Variants in NXPH2 observed in about 807,000 individuals in gnomAD.
NXPH2 encodes the protein neurexophilin 2.
A neutral mutation model predicts 19.8 loss-of-function variants in NXPH2; 5 were observed. The ratio of observed to expected loss-of-function variants is 0.25; its 90% CI spans 0.13 to 0.53. NXPH2 has a LOEUF of 0.53. Among genes scored for constraint, NXPH2 ranks in the 20% least tolerant of loss-of-function variants. The pLI is 0.96. For synonymous variants in NXPH2, 154 were observed against 127.4 expected (o/e 1.21, Z -1.41); for missense variants, 289 against 322.8 (o/e 0.90, Z 0.80).
At chr2:138,748,573 C>A (rs1573976656) in intron 1 of NXPH2, among the ~76,000 whole-genome samples, 1 of 152,138 alleles carries the variant, frequency 6.6e-6, no homozygotes. Context: ...ATGCCTGCAT[C>A]TGAAATTCTC....
At chr2:138,730,665 C>T (rs552629195) in intron 1 of NXPH2, among the ~76,000 whole-genome samples, 8 of 152,162 alleles carry the variant, frequency 5.3e-5, no homozygotes, top group African/African-American at 1.9e-4. Flanking sequence ...AAGAGTCAGA[C>T]ATGATCAAAG....
chr2:138,702,250 G>A (rs912645842), intron 1 of NXPH2, among the ~76,000 whole-genome samples: 1 of 152,110 alleles, frequency 6.6e-6, no homozygotes, highest in Non-Finnish European at 1.5e-5. Context: ...CTGAGGAGCT[G>A]GATCTACAGG....
intron 1 of NXPH2, among the ~76,000 whole-genome samples, chr2:138,740,934 G>A (rs13426332): frequency 0.12 from 17,499 of 150,504 alleles, 1,161 homozygotes; most frequent in African/African-American, 0.13. Context: ...CAGTAGAGAT[G>A]TGTGTGGGGG....
At chr2:138,758,240 G>T (rs1412456215) in intron 1 of NXPH2, among the ~76,000 whole-genome samples, 1 of 151,956 alleles carries the variant, frequency 6.6e-6, no homozygotes, top group Non-Finnish European at 1.5e-5. Context: ...ATTTCCTAGG[G>T]TCTATCTATA....
chr2:138,688,843 C>T (rs1558914150), intron 1 of NXPH2, among the ~76,000 whole-genome samples: 1 of 152,166 alleles, frequency 6.6e-6, no homozygotes, highest in Non-Finnish European at 1.5e-5. Flanking sequence ...CAACCCCCGG[C>T]CGAAACTGCC....
chr2:138,730,096 T>A (rs1292678160), intron 1 of NXPH2, among the ~76,000 whole-genome samples: 1 of 152,188 alleles, frequency 6.6e-6, no homozygotes, highest in African/African-American at 2.4e-5. Flanking sequence ...ATTGTCTGTG[T>A]CATAATTGCT....
chr2:138,744,002 CAAAAAAAAA>C (rs35072611), intron 1 of NXPH2, among the ~76,000 whole-genome samples: 7 of 85,766 alleles, frequency 8.2e-5, no homozygotes, highest in African/African-American at 2.9e-4. Flanking sequence ...GACTCCATCT[CAAAAAAAAA>C]AAAAAAAAAA....
chr2:138,745,984 A>T (rs557533236), intron 1 of NXPH2, among the ~76,000 whole-genome samples: 2 of 152,334 alleles, frequency 1.3e-5, no homozygotes, highest in South Asian at 4.1e-4. Context: ...CAAAATAGCC[A>T]TCCACAGATT....
intron 1 of NXPH2, among the ~76,000 whole-genome samples, chr2:138,675,493 T>C (rs1680472963): frequency 6.6e-6 from 1 of 152,112 alleles, no homozygotes; most frequent in Non-Finnish European, 1.5e-5. Context: ...ATTGTGATGG[T>C]TCTGAGATTA....
chr2:138,732,500 G>A (rs1425087387), intron 1 of NXPH2, among the ~76,000 whole-genome samples: 1 of 152,168 alleles, frequency 6.6e-6, no homozygotes, highest in Non-Finnish European at 1.5e-5. Context: ...TGTCAGCCTT[G>A]GGCTGTGCAC....
At chr2:138,720,008 C>A (rs562795865) in intron 1 of NXPH2, among the ~76,000 whole-genome samples, 17 of 152,130 alleles carry the variant, frequency 1.1e-4, no homozygotes, top group African/African-American at 4.1e-4. Flanking sequence ...CTTTTTCCCT[C>A]ATACATTCTT....
At chr2:138,761,690 C>T (rs904360614) in intron 1 of NXPH2, among the ~76,000 whole-genome samples, 1 of 152,208 alleles carries the variant, frequency 6.6e-6, no homozygotes, top group African/African-American at 2.4e-5. Context: ...CTCCCACCCC[C>T]AAAGTTCACT....
chr2:138,699,687 C>T (rs1485703733), intron 1 of NXPH2, among the ~76,000 whole-genome samples: 1 of 152,094 alleles, frequency 6.6e-6, no homozygotes, highest in Non-Finnish European at 1.5e-5. Context: ...AATGCTAGCA[C>T]AAGGGACACA....
chr2:138,757,465 C>T (rs1200801875), intron 1 of NXPH2, among the ~76,000 whole-genome samples: 2 of 152,078 alleles, frequency 1.3e-5, no homozygotes, highest in East Asian at 3.9e-4. Flanking sequence ...GAAGAAGGGC[C>T]CTAGCTTCAG....
intron 1 of NXPH2, among the ~76,000 whole-genome samples, chr2:138,687,657 G>T (rs1364094665): frequency 1.3e-5 from 2 of 152,090 alleles, no homozygotes; most frequent in Non-Finnish European, 2.9e-5. Context: ...TTCTTATAGG[G>T]TTTTATGGCT....
At chr2:138,772,269 G>A (rs564574337) in intron 1 of NXPH2, among the ~76,000 whole-genome samples, 1 of 151,954 alleles carries the variant, frequency 6.6e-6, no homozygotes, top group South Asian at 2.1e-4. Flanking sequence ...TGAGACCCTT[G>A]GCAACTGGCC....
intron 1 of NXPH2, among the ~76,000 whole-genome samples, chr2:138,777,986 A>C (rs1242194122): frequency 6.6e-6 from 1 of 152,148 alleles, no homozygotes; most frequent in African/African-American, 2.4e-5. Flanking sequence ...ATATCAGCTG[A>C]AAAAGGTAGA....
intron 1 of NXPH2, among the ~76,000 whole-genome samples, chr2:138,675,443 T>C (rs1216556501): frequency 6.6e-6 from 1 of 152,164 alleles, no homozygotes; most frequent in Non-Finnish European, 1.5e-5. Context: ...TGATAGACAC[T>C]GATACCTTAA....
At chr2:138,726,895 A>G (rs1681369361) in intron 1 of NXPH2, among the ~76,000 whole-genome samples, 1 of 152,180 alleles carries the variant, frequency 6.6e-6, no homozygotes. Flanking sequence ...CCATTATAGT[A>G]TCATACAGAA....
Sources: allele counts gnomAD v4.1 joint callset (sites outside exome capture counted in the v4.1 genomes callset), GRCh38; gene constraint gnomAD v4.1.1; transcripts MANE v1.5; gene names NCBI Gene and HGNC (gene_info 2026-07-23, HGNC 2026-07-21).